Variants in ARHGAP24 observed in about 807,000 individuals in gnomAD.
ARHGAP24 encodes the protein rho GTPase-activating protein 24.
ARHGAP24 carries 50 observed loss-of-function variants against 76.4 expected under a neutral mutation model. The observed-to-expected ratio is 0.65, with a 90% CI of 0.52 to 0.83. ARHGAP24 has a LOEUF of 0.83. Among genes scored for constraint, ARHGAP24 ranks in the 40% least tolerant of loss-of-function variants. The probability of loss-of-function intolerance (pLI) is 0.00; values close to 1 mark genes in which losing one functional copy is unlikely to be tolerated. For missense variants in ARHGAP24, 930 were observed against 914.2 expected, an observed-to-expected ratio of 1.02 and a Z score of -0.22; for synonymous variants, 345 against 323.3, an observed-to-expected ratio of 1.07 and a Z score of -0.72.
intron 5 of ARHGAP24, among the ~76,000 whole-genome samples, chr4:85,950,327 C>A (rs76314480): frequency 2.0e-5 from 3 of 149,440 alleles, no homozygotes; most frequent in Admixed American, 1.3e-4. Flanking sequence ...ACTGTCTCTA[C>A]AAAAAAAAAA....
intron 3 of ARHGAP24, among the ~76,000 whole-genome samples, chr4:85,756,703 A>G (rs1304328260): frequency 6.6e-6 from 1 of 152,078 alleles, no homozygotes; most frequent in Non-Finnish European, 1.5e-5. Context: ...ACAGTGTCAA[A>G]CCCTTTGCCA....
intron 2 of ARHGAP24, among the ~76,000 whole-genome samples, chr4:85,655,820 G>GAGAGAGAGAA (rs1553920531): frequency 1.1e-3 from 111 of 104,286 alleles, no homozygotes; most frequent in African/African-American, 4.5e-3. Flanking sequence ...GAGAGAGAAA[G>GAGAGAGAGAA]AGAGAGAGAG....
intron 3 of ARHGAP24, among the ~76,000 whole-genome samples, chr4:85,863,872 G>A (rs73833939): frequency 0.013 from 2,044 of 152,138 alleles, 51 homozygotes; most frequent in African/African-American, 0.046. Flanking sequence ...CCTCAACAAA[G>A]GAAGGTGTCT....
chr4:85,509,536 C>G (rs1210983079), intron 1 of ARHGAP24, among the ~76,000 whole-genome samples: 1 of 151,920 alleles, frequency 6.6e-6, no homozygotes, highest in Non-Finnish European at 1.5e-5. Flanking sequence ...AAATATTTTT[C>G]TAGCACAGAA....
At chr4:85,612,083 TACACACACACACACACAC>T (rs34030905) in intron 2 of ARHGAP24, among the ~76,000 whole-genome samples, 2 of 143,770 alleles carry the variant, frequency 1.4e-5, no homozygotes, top group Non-Finnish European at 1.5e-5. Context: ...TTCATTACAT[TACACACACACACACACAC>T]ACACACACAC....
At chr4:85,782,011 T>C (rs1727579073) in intron 3 of ARHGAP24, among the ~76,000 whole-genome samples, 1 of 129,988 alleles carries the variant, frequency 7.7e-6, no homozygotes, top group African/African-American at 3.0e-5. Flanking sequence ...CACTCCAATA[T>C]GGGCAACAGA....
chr4:85,619,524 T>C (rs1720647858), intron 2 of ARHGAP24, among the ~76,000 whole-genome samples: 2 of 151,982 alleles, frequency 1.3e-5, no homozygotes, highest in Admixed American at 1.3e-4. Context: ...GAAATTTTGA[T>C]AGGAATTGCT....
intron 3 of ARHGAP24, among the ~76,000 whole-genome samples, chr4:85,838,674 T>C (rs1730425797): frequency 6.6e-6 from 1 of 152,048 alleles, no homozygotes; most frequent in Admixed American, 6.5e-5. Context: ...TTATGGCAGA[T>C]ATGCCCCCCA....
intron 2 of ARHGAP24, among the ~76,000 whole-genome samples, chr4:85,678,273 G>A (rs1723062868): frequency 6.6e-6 from 1 of 152,124 alleles, no homozygotes; most frequent in African/African-American, 2.4e-5. Flanking sequence ...AGGAGACTGA[G>A]ACAGGAGGAT....
intron 3 of ARHGAP24, among the ~76,000 whole-genome samples, chr4:85,822,822 C>T (rs1392749917): frequency 6.6e-6 from 1 of 152,136 alleles, no homozygotes; most frequent in Non-Finnish European, 1.5e-5. Context: ...ACACACCTGC[C>T]ATATTCCCTG....
chr4:85,492,284 G>A (rs1723388886), intron 1 of ARHGAP24, among the ~76,000 whole-genome samples: 1 of 152,020 alleles, frequency 6.6e-6, no homozygotes. Flanking sequence ...TTTCCAGGAT[G>A]TGCTATCCTG....
rs1425220049 is a variant in ARHGAP24 at position 85,755,621 on chromosome 4, C to A, written c.268+33649C>A. On this transcript the variant is annotated intron_variant, in intron 3 of 9. Coordinates refer to ENST00000395184, the MANE Select transcript of ARHGAP24 (RefSeq NM_001025616.3). ...TCTTGTTCTATGGGAAGCTTCTATT[C>A]TTTTGTTTTGTTTTGTTTTGTTTTG... Among the ~76,000 whole-genome samples, 7 of 21,372 alleles carry A rather than the reference C, an allele frequency of 3.3e-4. No individual in the cohort carries two copies. The Non-Finnish European group carries it at 5.0e-3, about 15-fold the overall frequency. The allele number at this position is 21,372 out of a possible 152,430, so 14.0% of individuals were successfully genotyped here. A position where few individuals can be genotyped will look rare whatever the true frequency, so the allele number is the denominator to read the frequency against.
Position 85,503,394 on chromosome 4 carries a change from G to T in ARHGAP24, c.-21+27835G>T, listed in dbSNP as rs532936216. Among the ~76,000 whole-genome samples, 7 of 152,188 alleles carry T rather than the reference G, an allele frequency of 4.6e-5. No individual in the cohort carries two copies. The East Asian group carries it at 7.7e-4, about 17-fold the overall frequency. ...TGTTAATTATTGCCTCAATTTCAGA[G>T]CCTGTTATTGGTCTATTCAGAGATT... On this transcript the variant is annotated intron_variant, in intron 1 of 9. Coordinates refer to ENST00000395184, the MANE Select transcript of ARHGAP24 (RefSeq NM_001025616.3).
chr4:85,737,263 G>A (rs1043094406), intron 3 of ARHGAP24, among the ~76,000 whole-genome samples: 2 of 152,068 alleles, frequency 1.3e-5, no homozygotes, highest in African/African-American at 4.8e-5. Context: ...CACCCATTCT[G>A]TTCAGCCCTT....
At chr4:85,904,481 C>G (rs1398720464) in intron 3 of ARHGAP24, among the ~76,000 whole-genome samples, 1 of 152,180 alleles carries the variant, frequency 6.6e-6, no homozygotes, top group Non-Finnish European at 1.5e-5. Flanking sequence ...AGCATGTGAT[C>G]TGGGCAGAGA....
At position 85,945,164 on chromosome 4, in the gene ARHGAP24, C is replaced by T. The variant is rs1381521914; in HGVS notation, c.599+2891C>T. Among the ~76,000 whole-genome samples, 4 of 151,678 alleles carry T rather than the reference C, an allele frequency of 2.6e-5. No individual in the cohort carries two copies. In the East Asian group the frequency reaches 7.9e-4, roughly 30 times the overall value. On this transcript the variant is annotated intron_variant, in intron 5 of 9. Transcript: ENST00000395184. ...CCCGACCTTTTTTCTTTTTTCGAAA[C>T]AGAATCTTGCTCTGTTGCCACACAC...
chr4:85,750,485 C>CTTTTTTTTTTTTTTTT, intron 3 of ARHGAP24, among the ~76,000 whole-genome samples: 1 of 61,616 alleles, frequency 1.6e-5, no homozygotes, highest in Non-Finnish European at 2.8e-5. Context: ...CTTTTCATTC[C>CTTTTTTTTTTTTTTTT]TTTTTTTTTT....
chr4:85,805,600 C>A (rs1728753372), intron 3 of ARHGAP24, among the ~76,000 whole-genome samples: 1 of 152,210 alleles, frequency 6.6e-6, no homozygotes, highest in Admixed American at 6.5e-5. Context: ...GATTCCCCTG[C>A]TGTTGTAGGG....
intron 1 of ARHGAP24, among the ~76,000 whole-genome samples, chr4:85,476,668 A>G (rs936555994): frequency 6.6e-6 from 1 of 152,246 alleles, no homozygotes; most frequent in East Asian, 1.9e-4. Context: ...AGACGGATTA[A>G]ATACAAACAA....
Sources: allele counts gnomAD v4.1 joint callset (sites outside exome capture counted in the v4.1 genomes callset), GRCh38; gene constraint gnomAD v4.1.1; transcripts MANE v1.5; gene names NCBI Gene and HGNC (gene_info 2026-07-23, HGNC 2026-07-21).